The following MYO3A variants were observed in gnomAD, a reference collection of about 807,000 sequenced individuals.
MYO3A encodes myosin IIIA.
A neutral mutation model predicts 192.7 loss-of-function variants in MYO3A; 180 were observed. That is an observed-to-expected ratio of 0.93 (90% CI 0.83 to 1.06). MYO3A has a LOEUF of 1.06. Ranked by LOEUF, MYO3A falls within the 50% of genes least tolerant of loss-of-function variation. MYO3A has a pLI of 0.00. For synonymous variants in MYO3A, 628 were observed against 645.3 expected (o/e 0.97, Z 0.41); for missense variants, 1,896 against 1,905.0 (o/e 1.00, Z 0.09).
At chr10:26,019,639 C>A (rs890346865) in intron 7 of MYO3A, among the ~76,000 whole-genome samples, 2 of 152,186 alleles carry the variant, frequency 1.3e-5, no homozygotes, top group Non-Finnish European at 2.9e-5. Flanking sequence ...TAAATTGAGT[C>A]ATACAATATA....
At chr10:26,124,865 A>T (rs992259320) in intron 18 of MYO3A, among the ~76,000 whole-genome samples, 3 of 152,230 alleles carry the variant, frequency 2.0e-5, no homozygotes, top group African/African-American at 7.2e-5. Context: ...AAGTAGGATG[A>T]TATGTACATG....
At chr10:26,069,937 T>C (rs1315511593) in intron 12 of MYO3A, among the ~76,000 whole-genome samples, 174 bp from the exon 13 acceptor site, 1 of 152,086 alleles carries the variant, frequency 6.6e-6, no homozygotes, top group Non-Finnish European at 1.5e-5. Context: ...TACATAGTTA[T>C]ACATTTAGAT....
In MYO3A at chr10:25,952,205, A is replaced by G; in HGVS notation, c.95A>G (p.Tyr32Cys). 3 of 1,612,858 alleles carry G rather than the reference A, an allele frequency of 1.9e-6. No homozygotes were observed. Among genetic ancestry groups the G allele is most frequent in the Non-Finnish European group, 2.5e-6 (3 of 1,179,196 alleles). The change falls in exon 3 of 35, where the codon TAT becomes TGT. Residue 32 changes from tyrosine to cysteine, a missense_variant. Transcript: ENST00000642920. Reference sequence around the variant, plus strand: ...ACTGAGACAATTGGCAAAGGAACTTATGGGAAAGTTTTTAAAGTATTGAAT... The same window carrying G: ...ACTGAGACAATTGGCAAAGGAACTTGTGGGAAAGTTTTTAAAGTATTGAAT... ...EITETIGKGT[Y>C]GKVFKVLNKK... is the part of the protein sequence containing the mutation.
intron 32 of MYO3A, among the ~76,000 whole-genome samples, chr10:26,196,177 A>G (rs750801456): frequency 4.6e-5 from 7 of 152,244 alleles, no homozygotes; most frequent in Non-Finnish European, 1.0e-4. Context: ...AAGATTAGAA[A>G]TTACCAAACA....
At chr10:26,034,173 T>C (rs977923543) in intron 10 of MYO3A, among the ~76,000 whole-genome samples, 3 of 152,238 alleles carry the variant, frequency 2.0e-5, no homozygotes, top group Non-Finnish European at 4.4e-5. Flanking sequence ...AGTATGACCA[T>C]TTTCTCATAT....
chr10:25,963,004 C>T (rs1007953661), intron 4 of MYO3A, among the ~76,000 whole-genome samples: 4 of 152,152 alleles, frequency 2.6e-5, no homozygotes, highest in Non-Finnish European at 4.4e-5. Context: ...GGACATCTTT[C>T]TGTTAAAAGA....
intron 10 of MYO3A, among the ~76,000 whole-genome samples, chr10:26,032,785 G>T (rs1432399811): frequency 6.6e-6 from 1 of 151,916 alleles, no homozygotes; most frequent in South Asian, 2.1e-4. Flanking sequence ...GTAATAATAG[G>T]GTTCCTTCCA....
At chr10:26,085,163 C>G (rs571717399) in intron 14 of MYO3A, among the ~76,000 whole-genome samples, 3 of 147,934 alleles carry the variant, frequency 2.0e-5, no homozygotes, top group Non-Finnish European at 3.0e-5. Flanking sequence ...TTTTCTTAGA[C>G]TAGTTAAGGG....
chr10:26,029,365 T>C (rs1305208568), intron 10 of MYO3A, among the ~76,000 whole-genome samples: 1 of 152,234 alleles, frequency 6.6e-6, no homozygotes, highest in Non-Finnish European at 1.5e-5. Flanking sequence ...CTTTTCACTT[T>C]TTATTTCTGA....
chr10:26,075,078 A>G (rs1835444873), intron 14 of MYO3A, among the ~76,000 whole-genome samples: 1 of 151,966 alleles, frequency 6.6e-6, no homozygotes, highest in Non-Finnish European at 1.5e-5. Flanking sequence ...GAGGGCTTTC[A>G]TTTCTATTCC....
chr10:25,951,816 A>G (rs1195372573), intron 2 of MYO3A, among the ~76,000 whole-genome samples: 6 of 152,200 alleles, frequency 3.9e-5, no homozygotes, highest in African/African-American at 1.4e-4. Flanking sequence ...TTATATAAAT[A>G]TGCCTCTTAT....
intron 26 of MYO3A, among the ~76,000 whole-genome samples, chr10:26,165,637 T>G (rs891250730): frequency 6.6e-6 from 1 of 152,054 alleles, no homozygotes; most frequent in Non-Finnish European, 1.5e-5. Flanking sequence ...GGAATTAAGC[T>G]CCATCACCCA....
At chr10:25,954,554 A>T (rs1837414924) in intron 3 of MYO3A, among the ~76,000 whole-genome samples, 2 of 152,260 alleles carry the variant, frequency 1.3e-5, no homozygotes, top group Admixed American at 1.3e-4. Context: ...TAACAAAGTT[A>T]ATAATACAAA....
Position 25,997,168 on chromosome 10 carries a change from C to T in MYO3A, c.418C>T (p.His140Tyr), listed in dbSNP as rs746568066. ...ILHEALMGLQ[H>Y]LHNNKTIHRD... is the part of the protein sequence containing the mutation. ...ATTTCTTATCTTCTAGGGACTTCAA[C>T]ATTTGCATAACAACAAAACTATCCA... is the stretch of plus-strand genomic sequence containing the variant. The change falls in exon 6 of 35, where the codon CAT becomes TAT. Residue 140 changes from histidine (H) to tyrosine (Y), a missense_variant. Coordinates refer to ENST00000642920, the MANE Select transcript of MYO3A (RefSeq NM_017433.5). 3.7e-6 allele frequency: 6 copies of T among 1,612,500 alleles called. No homozygotes were observed. In the East Asian group the frequency reaches 1.3e-4, roughly 36 times the overall value.
intron 14 of MYO3A, among the ~76,000 whole-genome samples, chr10:26,083,496 C>A (rs2131477939): frequency 6.6e-6 from 1 of 152,186 alleles, no homozygotes; most frequent in African/African-American, 2.4e-5. Context: ...TTTATCTTGT[C>A]TGGTTGCTCT....
chr10:25,941,858 T>A (rs1315575469), intron 2 of MYO3A, among the ~76,000 whole-genome samples: 1 of 152,204 alleles, frequency 6.6e-6, no homozygotes, highest in Non-Finnish European at 1.5e-5. Context: ...TCATATAATG[T>A]TTCCCTTTGC....
chr10:26,073,659 T>A (rs1835356143), intron 14 of MYO3A, among the ~76,000 whole-genome samples: 1 of 96,528 alleles, frequency 1.0e-5, no homozygotes, highest in African/African-American at 3.3e-5. Context: ...TGATAATAAA[T>A]AAATAAATAA....
chr10:25,992,569 G>A (rs1840110970), intron 4 of MYO3A, among the ~76,000 whole-genome samples: 1 of 151,992 alleles, frequency 6.6e-6, no homozygotes, highest in African/African-American at 2.4e-5. Flanking sequence ...GGTGAGAGAG[G>A]GCATCCCTGT....
At chr10:26,059,772 G>A (rs17666400) in intron 10 of MYO3A, among the ~76,000 whole-genome samples, 71,947 of 152,096 alleles carry the variant, frequency 0.47, 17,869 homozygotes, top group Middle Eastern at 0.59. Context: ...TCCACATTCA[G>A]TAACCCCACA....
Sources: gnomAD v4.1 joint callset for allele counts (sites outside exome capture counted in the v4.1 genomes callset) on GRCh38, gnomAD v4.1.1 for gene constraint, MANE v1.5 for transcripts, NCBI Gene and HGNC (gene_info 2026-07-23, HGNC 2026-07-21) for gene names.